Variants in STON2 observed in about 807,000 individuals in gnomAD.
The protein encoded by STON2 is stonin 2.
In STON2, 29 loss-of-function variants were observed where a neutral mutation model predicts 65.7. That is an observed-to-expected ratio of 0.44 (90% CI 0.33 to 0.60). STON2 has a LOEUF of 0.60. Ranked by LOEUF, STON2 falls within the 20% of genes least tolerant of loss-of-function variation. STON2 has a pLI of 0.03. For synonymous variants in STON2, 404 were observed against 414.2 expected, an observed-to-expected ratio of 0.98 and a Z score of 0.30; for missense variants, 1,054 against 1,118.1, an observed-to-expected ratio of 0.94 and a Z score of 0.82.
At chr14:81,303,770 T>C (rs531281844) in intron 5 of STON2, among the ~76,000 whole-genome samples, 2 of 152,320 alleles carry the variant, frequency 1.3e-5, no homozygotes, top group South Asian at 2.1e-4. Context: ...ATGAAACTCA[T>C]AGAGCTTACA....
At chr14:81,331,783 C>T (rs61978921) in intron 4 of STON2, among the ~76,000 whole-genome samples, 18,039 of 152,150 alleles carry the variant, frequency 0.12, 1,178 homozygotes, top group South Asian at 0.23. Context: ...AGAAACCAAA[C>T]AAAAGGCTCT....
At chr14:81,301,959 T>G (rs904502996) in intron 5 of STON2, among the ~76,000 whole-genome samples, 2 of 152,202 alleles carry the variant, frequency 1.3e-5, no homozygotes, top group Non-Finnish European at 1.5e-5. Flanking sequence ...CCATGGTGAT[T>G]TGCTAGCTTT....
At chr14:81,368,818 T>C (rs1177209045) in intron 4 of STON2, among the ~76,000 whole-genome samples, 1 of 152,210 alleles carries the variant, frequency 6.6e-6, no homozygotes, top group Non-Finnish European at 1.5e-5. Flanking sequence ...TCCCTCCTCA[T>C]TCTCTAGTCC....
chr14:81,286,482 T>C (rs1248694481), intron 5 of STON2, among the ~76,000 whole-genome samples: 2 of 152,232 alleles, frequency 1.3e-5, no homozygotes, highest in Admixed American at 6.5e-5. Flanking sequence ...ATTAGCACTT[T>C]TAGTAATAAA....
At position 81,262,918 on chromosome 14, in the gene STON2, G is replaced by A; in HGVS notation, c.*5496C>T. ...ATATGAGTCATGATATCTAAAGCCAGTCTCATTTAAACAAGATAAGAAATG... is the reference window on the plus strand; with the variant it reads ...ATATGAGTCATGATATCTAAAGCCAATCTCATTTAAACAAGATAAGAAATG... On this transcript the variant is annotated 3_prime_UTR_variant, in exon 8 of 8. Transcript: ENST00000614646. 1.0e-6 allele frequency: 1 copy of A among 985,374 alleles called. No individual in the cohort carries two copies. Among genetic ancestry groups the A allele is most frequent in the Non-Finnish European group, 1.2e-6 (1 of 829,908 alleles). 61.0% of individuals were successfully genotyped at this position (985,374 alleles called of 1,614,324 possible).
intron 1 of STON2, among the ~76,000 whole-genome samples, chr14:81,432,873 C>T (rs1257124022): frequency 6.6e-6 from 1 of 152,264 alleles, no homozygotes; most frequent in Non-Finnish European, 1.5e-5. Context: ...AGCCCTTTTC[C>T]TCCTTCCATT....
At position 81,267,463 on chromosome 14, in the gene STON2, ACTG is replaced by A. The variant is rs1376596477; in HGVS notation, c.*948_*950del. 2.0e-6 allele frequency: 2 copies of A among 985,182 alleles called. No homozygotes were observed. The highest frequency in any genetic ancestry group is 3.5e-5 in the African/African-American group (2 of 57,234). The allele number at this position is 985,182 out of a possible 1,614,324, so 61.0% of individuals were successfully genotyped here. A position where few individuals can be genotyped will look rare whatever the true frequency, so the allele number is the denominator to read the frequency against. ...TAAAGTTGGGTTAAAGGGACATGCA[ACTG>A]TCTATTGGTCATGAGGTATAAAAAG... is the stretch of plus-strand genomic sequence containing the variant. On this transcript the variant is annotated 3_prime_UTR_variant, in exon 8 of 8. Transcript: ENST00000614646.
chr14:81,416,228 G>A (rs1427569361), intron 2 of STON2, among the ~76,000 whole-genome samples: 6 of 152,144 alleles, frequency 3.9e-5, no homozygotes, highest in African/African-American at 1.2e-4. Flanking sequence ...TAAGCGCTCA[G>A]TCAATGCTAT....
Position 81,263,537 on chromosome 14 carries a change from CAAAAA to C in STON2, c.*4872_*4876del. ...TGGGTGACAGACTGAGACTCCGTCT[CAAAAA>C]AAAAAAAAAAAAAAAAAACAAAAAA... is the stretch of plus-strand genomic sequence containing the variant. On this transcript the variant is annotated 3_prime_UTR_variant, in exon 8 of 8. Coordinates refer to ENST00000614646, the MANE Select transcript of STON2 (RefSeq NM_001394390.1). 7.8e-5 allele frequency: 6 copies of C among 77,058 alleles called. No homozygotes were observed. Among genetic ancestry groups the C allele is most frequent in the Non-Finnish European group, 1.4e-4 (6 of 44,172 alleles). The allele number at this position is 77,058 out of a possible 1,614,324, so 4.8% of individuals were successfully genotyped here.
intron 4 of STON2, among the ~76,000 whole-genome samples, chr14:81,365,923 T>A (rs992653745): frequency 2.0e-5 from 3 of 152,242 alleles, no homozygotes; most frequent in Non-Finnish European, 4.4e-5. Context: ...CACCAACCCA[T>A]GTGAACCTAG....
intron 5 of STON2, among the ~76,000 whole-genome samples, chr14:81,311,790 T>C (rs1896436913): frequency 6.6e-6 from 1 of 152,242 alleles, no homozygotes. Flanking sequence ...TATAGGAGAC[T>C]TTCTCTGGAA....
chr14:81,418,097 A>C (rs1269827101), intron 2 of STON2: 1 of 152,276 alleles, frequency 6.6e-6, no homozygotes, highest in African/African-American at 2.4e-5. Flanking sequence ...GTATTAGTCC[A>C]TTTTCATATA....
At chr14:81,300,823 C>T (rs899542917) in intron 5 of STON2, among the ~76,000 whole-genome samples, 2 of 152,090 alleles carry the variant, frequency 1.3e-5, no homozygotes, top group East Asian at 1.9e-4. Context: ...AATTCTACTC[C>T]TATGTTTGTT....
intron 1 of STON2, among the ~76,000 whole-genome samples, chr14:81,434,735 A>C (rs565532088): frequency 6.6e-6 from 1 of 152,318 alleles, no homozygotes; most frequent in African/African-American, 2.4e-5. Flanking sequence ...AACTCCAAGC[A>C]GGTCCGCTAC....
At chr14:81,361,689 AAC>A (rs1898500344) in intron 4 of STON2, among the ~76,000 whole-genome samples, 1 of 152,164 alleles carries the variant, frequency 6.6e-6, no homozygotes, top group South Asian at 2.1e-4. Context: ...CAAAGGAAAC[AAC>A]AGAGTGAAGA....
At chr14:81,269,941 T>C in intron 7 of STON2, 1 of 985,462 alleles carries the variant, frequency 1.0e-6, no homozygotes, top group Non-Finnish European at 1.2e-6. Context: ...CCAGGTCATG[T>C]GTGTCCTAAC....
At chr14:81,292,031 T>C (rs1895578353) in intron 5 of STON2, among the ~76,000 whole-genome samples, 1 of 152,216 alleles carries the variant, frequency 6.6e-6, no homozygotes, top group Admixed American at 6.5e-5. Context: ...TAAACCTTTC[T>C]ATTATTTGGG....
chr14:81,377,879 C>T (rs1439881322), intron 3 of STON2, among the ~76,000 whole-genome samples: 2 of 149,424 alleles, frequency 1.3e-5, no homozygotes, highest in African/African-American at 5.0e-5. Context: ...TGGAGTTTTG[C>T]TCTTGTTGCC....
rs1311736778 is a variant in STON2 at position 81,263,897 on chromosome 14, C to T, written c.*4517G>A. ...TAAACTTATGGTGAAATATATATCA[C>T]CTCTGAAATCATGACTTTATCTCAC... On this transcript the variant is annotated 3_prime_UTR_variant, in exon 8 of 8. Transcript: ENST00000614646. 1 of 985,266 alleles carries T rather than the reference C, an allele frequency of 1.0e-6. No individual in the cohort carries two copies. Among genetic ancestry groups the T allele is most frequent in the Non-Finnish European group, 1.2e-6 (1 of 829,920 alleles). 61.0% of individuals were successfully genotyped at this position (985,266 alleles called of 1,614,324 possible).
Sources: allele counts gnomAD v4.1 joint callset (sites outside exome capture counted in the v4.1 genomes callset), GRCh38; gene constraint gnomAD v4.1.1; transcripts MANE v1.5; gene names NCBI Gene and HGNC (gene_info 2026-07-23, HGNC 2026-07-21).